The following CAMK1D variants were observed in gnomAD, a reference collection of about 807,000 sequenced individuals.
CAMK1D encodes the protein calcium/calmodulin dependent protein kinase ID.
In CAMK1D, 9 loss-of-function variants were observed where a neutral mutation model predicts 47.7. That is an observed-to-expected ratio of 0.19 (90% confidence interval 0.11 to 0.33). The LOEUF is 0.33. Ranked by LOEUF, CAMK1D falls within the 10% of genes least tolerant of loss-of-function variation. The pLI, the probability that CAMK1D is intolerant of heterozygous loss-of-function variation, is 1.00. For missense variants in CAMK1D, 291 were observed against 488.7 expected (o/e 0.60, Z 3.81); for synonymous variants, 184 against 184.9 (o/e 0.99, Z 0.04).
chr10:12,399,991 G>A (rs1312087599), intron 1 of CAMK1D, among the ~76,000 whole-genome samples: 1 of 152,178 alleles, frequency 6.6e-6, no homozygotes, highest in African/African-American at 2.4e-5. Flanking sequence ...AGGCCTGTAG[G>A]AACCTAGTCC....
chr10:12,575,435 T>C (rs1837463286), intron 2 of CAMK1D, among the ~76,000 whole-genome samples: 3 of 152,122 alleles, frequency 2.0e-5, no homozygotes, highest in African/African-American at 7.2e-5. Context: ...CAATTTGATA[T>C]CCTGTCTCCT....
At chr10:12,470,880 C>T (rs1481971501) in intron 1 of CAMK1D, among the ~76,000 whole-genome samples, 2 of 152,112 alleles carry the variant, frequency 1.3e-5, no homozygotes, top group Non-Finnish European at 2.9e-5. Context: ...AGTGTACTGC[C>T]ACCACCTCTG....
intron 1 of CAMK1D, among the ~76,000 whole-genome samples, chr10:12,424,936 T>C (rs1460844462): frequency 6.6e-6 from 1 of 152,208 alleles, no homozygotes; most frequent in Non-Finnish European, 1.5e-5. Context: ...AGCCCTGGTA[T>C]ATATAATTTT....
chr10:12,810,151 TAAA>T (rs749675063), intron 6 of CAMK1D, among the ~76,000 whole-genome samples: 3 of 81,434 alleles, frequency 3.7e-5, no homozygotes, highest in African/African-American at 6.1e-5. Context: ...CCTGTCTCAT[TAAA>T]AAAAAAAAAA....
rs147673816 is a variant in CAMK1D at position 12,777,058 on chromosome 10, G to A, written c.565+7259G>A. On this transcript the variant is annotated intron_variant, in intron 5 of 10. Transcript: ENST00000619168. The stretch of plus-strand genomic sequence containing the variant: ...TGCAGATAGAGAATCCTTGAGTAAT[G>A]AGGATCAACTAGATTTGGGAGATGT... Among the ~76,000 whole-genome samples the A allele has an allele frequency of 2.3e-3, 351 of 152,316 alleles. 2 individuals carry two copies. The highest frequency in any genetic ancestry group is 8.0e-3 in the African/African-American group (333 of 41,580).
At chr10:12,516,465 T>C (rs1161283532) in intron 1 of CAMK1D, among the ~76,000 whole-genome samples, 1 of 151,016 alleles carries the variant, frequency 6.6e-6, no homozygotes, top group Non-Finnish European at 1.5e-5. Flanking sequence ...GGTTTCTATG[T>C]GAACATATGT....
intron 5 of CAMK1D, 91 bp from the exon 6 acceptor site, chr10:12,791,067 A>G: frequency 1.7e-6 from 2 of 1,143,290 alleles, no homozygotes; most frequent in Non-Finnish European, 1.3e-6. Context: ...ATACTCACTG[A>G]AAGTTCAGGC....
chr10:12,797,367 A>C (rs1838240768), intron 6 of CAMK1D, among the ~76,000 whole-genome samples: 1 of 152,076 alleles, frequency 6.6e-6, no homozygotes, highest in Admixed American at 6.6e-5. Context: ...CCAGCTAATT[A>C]AAAACAAAAC....
At chr10:12,547,315 G>C (rs1836410371) in intron 1 of CAMK1D, among the ~76,000 whole-genome samples, 1 of 152,228 alleles carries the variant, frequency 6.6e-6, no homozygotes, top group South Asian at 2.1e-4. Flanking sequence ...GTCTAGTGGT[G>C]GTGGAGGAAG....
At chr10:12,449,197 A>G (rs915693941) in intron 1 of CAMK1D, among the ~76,000 whole-genome samples, 1 of 152,132 alleles carries the variant, frequency 6.6e-6, no homozygotes, top group Non-Finnish European at 1.5e-5. Context: ...AAAGAGGCCA[A>G]CCTAGCAAGT....
intron 1 of CAMK1D, among the ~76,000 whole-genome samples, chr10:12,443,972 C>T (rs72769620): frequency 0.068 from 10,400 of 152,244 alleles, 466 homozygotes; most frequent in Non-Finnish European, 0.096. Context: ...ATATGCTAAA[C>T]AAGGGACAGA....
intron 2 of CAMK1D, among the ~76,000 whole-genome samples, chr10:12,666,338 G>C (rs961732887): frequency 3.3e-4 from 50 of 152,112 alleles, no homozygotes; most frequent in African/African-American, 1.2e-3. Flanking sequence ...ATGGGGGATA[G>C]ATTTTCATAT....
Position 12,544,059 on chromosome 10 carries a change from C to T in CAMK1D, c.93-9166C>T, listed in dbSNP as rs1836282566. Among the ~76,000 whole-genome samples, 4 of 152,318 alleles carry T rather than the reference C, an allele frequency of 2.6e-5. No individual in the cohort carries two copies. In the South Asian group the frequency reaches 8.3e-4, roughly 32 times the overall value. On this transcript the variant is annotated intron_variant, in intron 1 of 10. Coordinates refer to ENST00000619168, the MANE Select transcript of CAMK1D (RefSeq NM_153498.4). The stretch of plus-strand genomic sequence containing the variant: ...TATTTCCTCGCAGGCACCTGGCTTA[C>T]AATCAGGATGAGCTGCCTGTGGGTG...
Position 12,834,648 on chromosome 10 carries a change from T to C in CAMK1D, c.*5761T>C, listed in dbSNP as rs1833476783. The C allele has an allele frequency of 6.6e-6, 1 of 152,182 alleles. No homozygotes were observed. The highest frequency in any genetic ancestry group is 2.4e-5 in the African/African-American group (1 of 41,440). 9.4% of individuals were successfully genotyped at this position (152,182 alleles called of 1,614,324 possible). ...CTCATTCGATTATTATGTCTTCTGA[T>C]GATTTGCCATGTTATTTTAAAGGTG... On this transcript the variant is annotated 3_prime_UTR_variant, in exon 11 of 11. Transcript: ENST00000619168.
chr10:12,352,015 A>G (rs1837367336), intron 1 of CAMK1D, among the ~76,000 whole-genome samples: 1 of 152,200 alleles, frequency 6.6e-6, no homozygotes, highest in Non-Finnish European at 1.5e-5. Flanking sequence ...AGGATCAGGT[A>G]TTATTCTACG....
intron 2 of CAMK1D, among the ~76,000 whole-genome samples, chr10:12,562,184 G>A (rs1277038216): frequency 6.6e-6 from 1 of 152,122 alleles, no homozygotes; most frequent in Non-Finnish European, 1.5e-5. Context: ...TATGGCATAT[G>A]GCAGAAAAGC....
At position 12,597,823 on chromosome 10, in the gene CAMK1D, AT is replaced by A. The variant is rs11332077; in HGVS notation, c.224+44470del. 7.9e-3 allele frequency among the ~76,000 whole-genome samples: 1,205 copies of A among 152,232 alleles called. 4 individuals carry two copies. The highest frequency in any genetic ancestry group is 0.013 in the Non-Finnish European group (886 of 68,016). On this transcript the variant is annotated intron_variant, in intron 2 of 10. Coordinates refer to ENST00000619168, the MANE Select transcript of CAMK1D (RefSeq NM_153498.4). ...TTTGCTGATGTGAGCTGCTTCCTTT[AT>A]TTATGCTCTCACTGGATCTCTGGGA... is the stretch of plus-strand genomic sequence containing the variant.
At chr10:12,564,565 G>A (rs1837063779) in intron 2 of CAMK1D, among the ~76,000 whole-genome samples, 1 of 152,122 alleles carries the variant, frequency 6.6e-6, no homozygotes, top group Admixed American at 6.5e-5. Context: ...TTAAAGTTGA[G>A]GTCAGAGGCT....
At chr10:12,797,472 G>C (rs1838245636) in intron 6 of CAMK1D, among the ~76,000 whole-genome samples, 1 of 151,906 alleles carries the variant, frequency 6.6e-6, no homozygotes, top group Non-Finnish European at 1.5e-5. Context: ...CTCCCAAAGT[G>C]CTGGCATTAC....
Sources: allele counts gnomAD v4.1 joint callset (sites outside exome capture counted in the v4.1 genomes callset), GRCh38; gene constraint gnomAD v4.1.1; transcripts MANE v1.5; gene names NCBI Gene and HGNC (gene_info 2026-07-23, HGNC 2026-07-21).